EIF5B: variants seen among roughly 807,000 people sequenced by gnomAD.
The protein encoded by EIF5B is eukaryotic translation initiation factor 5B.
EIF5B carries 47 observed loss-of-function variants against 147.5 expected under a neutral mutation model. That is an observed-to-expected ratio of 0.32 (90% CI 0.25 to 0.41). The LOEUF (loss-of-function observed/expected upper bound fraction) is 0.41, where lower values mean the gene tolerates loss of function less well. EIF5B is among the 10% of genes least tolerant of loss of function. EIF5B has a pLI of 1.00. For synonymous variants in EIF5B, 455 were observed against 456.2 expected, an observed-to-expected ratio of 1.00 and a Z score of 0.03; for missense variants, 1,064 against 1,413.2, an observed-to-expected ratio of 0.75 and a Z score of 3.96.
intron 14 of EIF5B, among the ~76,000 whole-genome samples, chr2:99,389,348 T>C (rs1226706293): frequency 6.6e-6 from 1 of 152,218 alleles, no homozygotes; most frequent in East Asian, 1.9e-4. Context: ...TTTAATTTTT[T>C]GGTATATAAT....
chr2:99,389,583 T>TCGCCGTATCATTAAAA, intron 14 of EIF5B, 135 bp from the exon 15 acceptor site: 1 of 659,916 alleles, frequency 1.5e-6, no homozygotes, highest in South Asian at 4.8e-5. Context: ...GAGCTTTTGG[T>TCGCCGTATCATTAAAA]ACAATAAAGT....
chr2:99,361,618 G>A lies in EIF5B; in HGVS notation c.717G>A (p.Glu239=). 6.3e-7 allele frequency: 1 copy of A among 1,594,840 alleles called. No homozygotes were observed. Among genetic ancestry groups the A allele is most frequent in the Non-Finnish European group, 8.5e-7 (1 of 1,175,496 alleles). The change falls in exon 4 of 24, where the codon GAG becomes GAA. Residue 239 remains glutamate (E), a synonymous_variant. Coordinates refer to ENST00000289371, the MANE Select transcript of EIF5B (RefSeq NM_015904.4). ...AQKKAEKKER[E]RKKRDEEKAK... ...AGAAGGCAGAAAAGAAGGAGCGCGA[G>A]AGAAAAAAGCGAGATGAAGAAAAAG... is the stretch of plus-strand genomic sequence containing the variant.
chr2:99,373,478 C>T (rs924983730), intron 9 of EIF5B, among the ~76,000 whole-genome samples: 6 of 152,116 alleles, frequency 3.9e-5, no homozygotes, highest in South Asian at 4.1e-4. Flanking sequence ...CACTTTTCTG[C>T]GGGCGTGAAT....
intron 1 of EIF5B, among the ~76,000 whole-genome samples, chr2:99,353,015 T>C (rs1209026343): frequency 4.3e-5 from 5 of 115,196 alleles, no homozygotes; most frequent in East Asian, 2.9e-4. Flanking sequence ...CTTTTTTTTT[T>C]TTTTTTTTTT....
At chr2:99,349,077 G>A (rs1287095382) in intron 1 of EIF5B, among the ~76,000 whole-genome samples, 1 of 152,244 alleles carries the variant, frequency 6.6e-6, no homozygotes, top group East Asian at 1.9e-4. Flanking sequence ...CATTCCAAGA[G>A]ACAGGAAGCT....
chr2:99,346,589 CTTTTTTTTTTTTTTTTT>C (rs773411395), intron 1 of EIF5B, among the ~76,000 whole-genome samples: 33 of 61,670 alleles, frequency 5.4e-4, no homozygotes, highest in African/African-American at 2.1e-3. Context: ...AGTTGTATCT[CTTTTTTTTTTTTTTTTT>C]TTTTTTTTTT....
chr2:99,401,154 T>TC lies in EIF5B; in HGVS notation c.*1742dup. On this transcript the variant is annotated 3_prime_UTR_variant, in exon 24 of 24. Transcript: ENST00000289371. ...AAAAGAAATTTAAAATTATAAAAAC[T>TC]CCGAGCATTACTATCATGCACTTTG... 2.8e-6 allele frequency: 2 copies of TC among 711,910 alleles called. No homozygotes were observed. Among genetic ancestry groups the TC allele is most frequent in the Non-Finnish European group, 4.6e-6 (2 of 431,250 alleles). 44.1% of individuals were successfully genotyped at this position (711,910 alleles called of 1,614,324 possible). A position where few individuals can be genotyped will look rare whatever the true frequency, so the allele number is the denominator to read the frequency against.
At chr2:99,392,509 A>G (rs1052240200) in intron 17 of EIF5B, among the ~76,000 whole-genome samples, 1 of 152,234 alleles carries the variant, frequency 6.6e-6, no homozygotes, top group Admixed American at 6.5e-5. Flanking sequence ...ATTGTTTTAC[A>G]GCTTCATCAG....
At chr2:99,367,097 G>A (rs1423212502) in intron 6 of EIF5B, among the ~76,000 whole-genome samples, 1 of 152,156 alleles carries the variant, frequency 6.6e-6, no homozygotes, top group Non-Finnish European at 1.5e-5. Flanking sequence ...GAAAACATAG[G>A]AGGATATCTT....
chr2:99,391,789 G>A (rs1207361641), intron 17 of EIF5B, among the ~76,000 whole-genome samples: 2 of 149,166 alleles, frequency 1.3e-5, no homozygotes, highest in Non-Finnish European at 1.5e-5. Context: ...GAGTGCAGTG[G>A]TGCAGTCACA....
chr2:99,339,656 C>T (rs968588615), intron 1 of EIF5B, among the ~76,000 whole-genome samples: 4 of 152,070 alleles, frequency 2.6e-5, no homozygotes, highest in African/African-American at 4.8e-5. Flanking sequence ...GGACTACAGG[C>T]GCGATCCGGC....
At chr2:99,382,051 A>C (rs1674700522) in intron 12 of EIF5B, 108 bp from the exon 13 acceptor site, 1 of 806,968 alleles carries the variant, frequency 1.2e-6, no homozygotes, top group African/African-American at 1.7e-5. Context: ...ATTTATATGG[A>C]AAAGGGAGTA....
chr2:99,341,521 G>A (rs2094259359), intron 1 of EIF5B, among the ~76,000 whole-genome samples: 1 of 152,142 alleles, frequency 6.6e-6, no homozygotes, highest in African/African-American at 2.4e-5. Context: ...GTTTATTCCA[G>A]TATTGCAGTT....
intron 19 of EIF5B, 24 bp downstream of exon 19, chr2:99,394,422 C>T: frequency 6.2e-7 from 1 of 1,613,574 alleles, no homozygotes; most frequent in African/African-American, 1.3e-5. Context: ...ACTCGCTCCA[C>T]AAGTGAATGG....
At chr2:99,340,654 T>A (rs2094257383) in intron 1 of EIF5B, 1 of 152,224 alleles carries the variant, frequency 6.6e-6, no homozygotes, top group South Asian at 2.1e-4. Flanking sequence ...CTTACCTAAT[T>A]TTATTTGTAC....
intron 4 of EIF5B, among the ~76,000 whole-genome samples, chr2:99,363,301 A>C (rs989403828): frequency 2.6e-5 from 4 of 152,178 alleles, no homozygotes; most frequent in Non-Finnish European, 4.4e-5. Context: ...ACTTCATATA[A>C]GCATCTGTTG....
At chr2:99,364,524 C>G in intron 6 of EIF5B, 103 bp downstream of exon 6, 1 of 1,152,490 alleles carries the variant, frequency 8.7e-7, no homozygotes, top group African/African-American at 1.5e-5. Flanking sequence ...AGGACAGTTC[C>G]TATGAAAAAT....
chr2:99,389,269 A>G (rs1674873837), intron 14 of EIF5B, among the ~76,000 whole-genome samples: 2 of 152,234 alleles, frequency 1.3e-5, no homozygotes, highest in Admixed American at 1.3e-4. Context: ...TCATTAACAA[A>G]ACAGATTTAA....
rs1361166090 is a variant in EIF5B, at chr2:99,368,533, G to A, written c.1329G>A (p.Arg443=). 1.2e-6 allele frequency: 2 copies of A among 1,613,592 alleles called. No individual in the cohort carries two copies. Among genetic ancestry groups the A allele is most frequent in the East Asian group, 2.2e-5 (1 of 44,790 alleles). ...CAAAAGACTCTTTGCCAAAGAAGAGGCCAATTTATGAAGATAAAAAGAGGA... is the reference window on the plus strand; with the variant it reads ...CAAAAGACTCTTTGCCAAAGAAGAGACCAATTTATGAAGATAAAAAGAGGA... ...VPSKDSLPKK[R]PIYEDKKRKK... Residue 443 remains arginine, a synonymous_variant, in exon 7 of 24, where the codon AGG becomes AGA. Transcript: ENST00000289371.
Sources: allele counts gnomAD v4.1 joint callset (sites outside exome capture counted in the v4.1 genomes callset), GRCh38; gene constraint gnomAD v4.1.1; transcripts MANE v1.5; gene names NCBI Gene and HGNC (gene_info 2026-07-23, HGNC 2026-07-21).